GALNT9: variants seen among roughly 807,000 people sequenced by gnomAD.
GALNT9 encodes the protein GalNAc transferase 9.
GALNT9 carries 47 observed loss-of-function variants against 63.1 expected under a neutral mutation model. That is an observed-to-expected ratio of 0.75 (90% CI 0.59 to 0.95). GALNT9 has a LOEUF of 0.95. GALNT9 is among the 40% of genes least tolerant of loss of function. The pLI is 0.00. For synonymous variants in GALNT9, 396 were observed against 365.7 expected (o/e 1.08, Z -0.94); for missense variants, 829 against 874.8 (o/e 0.95, Z 0.66).
chr12:132,247,650 G>A (rs1221982428), intron 6 of GALNT9: 3 of 338,702 alleles, frequency 8.9e-6, no homozygotes, highest in South Asian at 6.1e-5. Context: ...CGCCATGGCC[G>A]CACTCGCCCT....
chr12:132,273,607 C>T (rs1297732293), intron 2 of GALNT9: 4 of 152,684 alleles, frequency 2.6e-5, no homozygotes, highest in African/African-American at 4.8e-5. Context: ...AAATGCAAAC[C>T]GTTCAGCAGT....
chr12:132,201,827 G>A (rs1030387955), intron 7 of GALNT9, among the ~76,000 whole-genome samples: 2 of 152,204 alleles, frequency 1.3e-5, no homozygotes, highest in African/African-American at 4.8e-5. Flanking sequence ...TCCCTCTGCT[G>A]ACTTTGACCC....
chr12:132,199,109 GTA>G, intron 9 of GALNT9, 63 bp downstream of exon 9: 6 of 1,067,266 alleles, frequency 5.6e-6, no homozygotes, highest in Non-Finnish European at 8.5e-6. Context: ...GCCCCAGGGT[GTA>G]GGGTCCGGGT....
rs2135528167 is a variant in GALNT9 at position 132,236,537 on chromosome 12, T to C, written c.1077+11373A>G. On this transcript the variant is annotated intron_variant, in intron 6 of 10. Coordinates refer to ENST00000328957, the MANE Select transcript of GALNT9 (RefSeq NM_001122636.2). The surrounding 1 kb of genome is among the most constrained non-coding windows in gnomAD (Gnocchi z 5.6). Reference sequence around the variant, plus strand: ...CTCTCCCTCCCCCAGCCCTTTCCCCTTCCTTCCTTCCCACCTTCTTTCCTT... The same window carrying C: ...CTCTCCCTCCCCCAGCCCTTTCCCCCTCCTTCCTTCCCACCTTCTTTCCTT... 6.6e-6 allele frequency among the ~76,000 whole-genome samples: 1 copy of C among 152,252 alleles called. No individual in the cohort carries two copies. Among genetic ancestry groups the C allele is most frequent in the African/African-American group, 2.4e-5 (1 of 41,538 alleles).
At chr12:132,285,213 A>G (rs541248890) in intron 2 of GALNT9, among the ~76,000 whole-genome samples, 1 of 152,268 alleles carries the variant, frequency 6.6e-6, no homozygotes, top group Non-Finnish European at 1.5e-5. Flanking sequence ...GCCACCTGCC[A>G]CCACCCCACG....
chr12:132,295,810 GGAACAGGGAGAGCCTCC>G (rs1336799760), intron 1 of GALNT9, among the ~76,000 whole-genome samples: 24 of 105,494 alleles, frequency 2.3e-4, no homozygotes, highest in Admixed American at 6.3e-4. Context: ...GACGGCCTCC[GGAACAGGGAGAGCCTCC>G]GAACAGGGAG....
At chr12:132,258,288 C>A (rs1310796189) in intron 4 of GALNT9, among the ~76,000 whole-genome samples, 1 of 152,244 alleles carries the variant, frequency 6.6e-6, no homozygotes, top group Non-Finnish European at 1.5e-5. Flanking sequence ...CCTGTGGGAG[C>A]TGCATTCATT....
At chr12:132,213,080 C>A (rs1208736749) in intron 6 of GALNT9, among the ~76,000 whole-genome samples, 1 of 87,088 alleles carries the variant, frequency 1.1e-5, no homozygotes, top group Non-Finnish European at 2.3e-5. Context: ...CCTCAGACCT[C>A]GACACGGAAA....
At chr12:132,237,563 A>G (rs2136895460) in intron 6 of GALNT9, among the ~76,000 whole-genome samples, 3 of 151,572 alleles carry the variant, frequency 2.0e-5, no homozygotes, top group African/African-American at 7.3e-5. Flanking sequence ...AACTGCATAT[A>G]CCTGCTCACA....
intron 1 of GALNT9, among the ~76,000 whole-genome samples, chr12:132,308,018 AGAGT>A (rs1178760549): frequency 4.8e-5 from 7 of 146,160 alleles, no homozygotes; most frequent in African/African-American, 1.8e-4. Context: ...CCTGGGCAAC[AGAGT>A]GAGACCCTGT....
At chr12:132,226,604 C>T (rs1322357823) in intron 6 of GALNT9, among the ~76,000 whole-genome samples, 2 of 146,404 alleles carry the variant, frequency 1.4e-5, no homozygotes, top group African/African-American at 5.1e-5. Flanking sequence ...ACCACACACC[C>T]CACACCCCAC....
chr12:132,320,188 A>C (rs1555246011), intron 1 of GALNT9, among the ~76,000 whole-genome samples: 1 of 151,232 alleles, frequency 6.6e-6, no homozygotes, highest in Non-Finnish European at 1.5e-5. Context: ...TCCCCACAGC[A>C]CATCCACACA....
At chr12:132,285,951 C>A (rs1259603704) in intron 2 of GALNT9, among the ~76,000 whole-genome samples, 1 of 152,110 alleles carries the variant, frequency 6.6e-6, no homozygotes, top group Non-Finnish European at 1.5e-5. Context: ...GCAGGAGGGC[C>A]CCACAGGTGG....
At position 132,315,637 on chromosome 12, in the gene GALNT9, C is replaced by T. The variant is rs535864162; in HGVS notation, c.238+13329G>A. 1.7e-3 allele frequency among the ~76,000 whole-genome samples: 260 copies of T among 152,294 alleles called. 1 individual carries two copies. Among genetic ancestry groups the T allele is most frequent in the Non-Finnish European group, 1.8e-3 (125 of 68,030 alleles). ...GCCGCGGCTGCTGATCTGAGAAGGT[C>T]GCGTCTTCTGGGCCAGTCTCTGTGA... On this transcript the variant is annotated intron_variant, in intron 1 of 10. Coordinates refer to ENST00000328957, the MANE Select transcript of GALNT9 (RefSeq NM_001122636.2). The surrounding 1 kb of genome is among the most constrained non-coding windows in gnomAD (Gnocchi z 6.1).
chr12:132,249,570 T>G (rs1555238358), intron 5 of GALNT9, among the ~76,000 whole-genome samples: 1 of 152,258 alleles, frequency 6.6e-6, no homozygotes, highest in Non-Finnish European at 1.5e-5. Flanking sequence ...AACCTTTGAT[T>G]GGGTAAGTTA....
chr12:132,303,588 C>T (rs1881413367), intron 1 of GALNT9, among the ~76,000 whole-genome samples: 1 of 128,286 alleles, frequency 7.8e-6, no homozygotes, highest in African/African-American at 3.2e-5. Context: ...CACACCCTCG[C>T]CCGGGCACAC....
chr12:132,291,928 G>A (rs566969367), intron 1 of GALNT9, among the ~76,000 whole-genome samples: 2 of 152,270 alleles, frequency 1.3e-5, no homozygotes, highest in South Asian at 2.1e-4. Context: ...GGCTCCTCAC[G>A]GCAGCTGTGG....
chr12:132,324,273 C>G (rs1555246347), intron 1 of GALNT9, among the ~76,000 whole-genome samples: 2 of 152,174 alleles, frequency 1.3e-5, no homozygotes, highest in African/African-American at 4.8e-5. Flanking sequence ...GCAGGACATT[C>G]CGAGACGCAC....
chr12:132,217,863 TACTC>T, intron 6 of GALNT9, among the ~76,000 whole-genome samples: 1 of 149,268 alleles, frequency 6.7e-6, no homozygotes, highest in South Asian at 2.2e-4. Context: ...TCCATCTACC[TACTC>T]ACTCACCCAC....
Sources: gnomAD v4.1 joint callset for allele counts (sites outside exome capture counted in the v4.1 genomes callset) on GRCh38, gnomAD v4.1.1 for gene constraint, Gnocchi (gnomAD v3.1) non-coding constraint, MANE v1.5 for transcripts, NCBI Gene and HGNC (gene_info 2026-07-23, HGNC 2026-07-21) for gene names.